Variants in HS3ST3A1 observed in about 807,000 individuals in gnomAD.
HS3ST3A1 encodes heparan sulfate-glucosamine 3-sulfotransferase 3A1.
In HS3ST3A1, 19 loss-of-function variants were observed where a neutral mutation model predicts 25.7. The observed-to-expected ratio is 0.74, with a 90% CI of 0.52 to 1.08. The LOEUF (loss-of-function observed/expected upper bound fraction) is 1.08. Among genes scored for constraint, HS3ST3A1 ranks in the 50% least tolerant of loss-of-function variants. The pLI, the probability that HS3ST3A1 is intolerant of heterozygous loss-of-function variation, is 0.00. For synonymous variants in HS3ST3A1, 226 were observed against 278.6 expected (o/e 0.81, Z 1.88); for missense variants, 459 against 594.3 (o/e 0.77, Z 2.37).
intron 1 of HS3ST3A1, among the ~76,000 whole-genome samples, chr17:13,548,891 T>A (rs745570931): frequency 3.3e-5 from 5 of 152,092 alleles, no homozygotes; most frequent in Admixed American, 6.5e-5. Flanking sequence ...AACACACCAA[T>A]CAGCACTCTG....
chr17:13,528,315 C>T (rs1050684421), intron 1 of HS3ST3A1, among the ~76,000 whole-genome samples: 1 of 152,200 alleles, frequency 6.6e-6, no homozygotes, highest in African/African-American at 2.4e-5. Context: ...TCAGATCACC[C>T]TTCAGGAAAG....
chr17:13,540,484 A>C (rs1598419929), intron 1 of HS3ST3A1, among the ~76,000 whole-genome samples: 1 of 152,350 alleles, frequency 6.6e-6, no homozygotes, highest in East Asian at 1.9e-4. Context: ...TGATGGACTA[A>C]AAATGCATGC....
At chr17:13,503,032 G>C (rs1905533926) in intron 1 of HS3ST3A1, among the ~76,000 whole-genome samples, 1 of 151,970 alleles carries the variant, frequency 6.6e-6, no homozygotes, top group African/African-American at 2.4e-5. Flanking sequence ...TACAAAATTA[G>C]CTGGGCGTGT....
chr17:13,541,720 A>G (rs890637133), intron 1 of HS3ST3A1, among the ~76,000 whole-genome samples: 1 of 152,186 alleles, frequency 6.6e-6, no homozygotes, highest in Non-Finnish European at 1.5e-5. Context: ...GCCTTTGAAC[A>G]TCGTGACCAG....
intron 1 of HS3ST3A1, among the ~76,000 whole-genome samples, chr17:13,572,117 A>G (rs1270591029): frequency 1.3e-5 from 2 of 152,040 alleles, no homozygotes; most frequent in Non-Finnish European, 2.9e-5. Context: ...GGGTAACCAA[A>G]TGTTGCTGGA....
chr17:13,593,548 G>A (rs1175333870), intron 1 of HS3ST3A1, among the ~76,000 whole-genome samples: 2 of 152,200 alleles, frequency 1.3e-5, no homozygotes, highest in Admixed American at 6.5e-5. Flanking sequence ...ACAGGTGCGG[G>A]GCAGGGGAGG....
At position 13,525,962 on chromosome 17, in the gene HS3ST3A1, G is replaced by A. The variant is rs182086896; in HGVS notation, c.600-29144C>T. ...GACAGCACAGGAACTGGTATGCCAA[G>A]GCTGAGACCTGAGGCTGGCTGCACT... On this transcript the variant is annotated intron_variant, in intron 1 of 1. Transcript: ENST00000284110. Among the ~76,000 whole-genome samples the A allele has an allele frequency of 9.1e-4, 139 of 152,144 alleles. 1 individual carries two copies. The highest frequency in any genetic ancestry group is 3.3e-3 in the African/African-American group (137 of 41,514).
intron 1 of HS3ST3A1, among the ~76,000 whole-genome samples, chr17:13,527,826 G>A (rs546042639): frequency 1.3e-5 from 2 of 152,276 alleles, no homozygotes; most frequent in East Asian, 1.9e-4. Flanking sequence ...CTGTAATTGC[G>A]TGGGGACTTC....
chr17:13,580,748 G>T (rs60554945), intron 1 of HS3ST3A1, among the ~76,000 whole-genome samples: 2 of 151,952 alleles, frequency 1.3e-5, no homozygotes, highest in African/African-American at 4.8e-5. Context: ...AAAATTAGCC[G>T]GACGTGGTGA....
chr17:13,585,677 G>T (rs1260962942), intron 1 of HS3ST3A1, among the ~76,000 whole-genome samples: 1 of 151,724 alleles, frequency 6.6e-6, no homozygotes, highest in African/African-American at 2.4e-5. Flanking sequence ...CTCTACATAC[G>T]TTCACATCTT....
chr17:13,534,584 C>T (rs1391954010), intron 1 of HS3ST3A1, among the ~76,000 whole-genome samples: 2 of 126,206 alleles, frequency 1.6e-5, no homozygotes, highest in South Asian at 2.5e-4. Context: ...AAAAGTTAGC[C>T]GGGCATGGTG....
rs145610644 is a variant in HS3ST3A1, at chr17:13,501,872, T to C, written c.600-5054A>G. Among the ~76,000 whole-genome samples the C allele has an allele frequency of 3.5e-3, 535 of 152,318 alleles. 4 individuals are homozygous for C. The highest frequency in any genetic ancestry group is 0.012 in the African/African-American group (508 of 41,586). On this transcript the variant is annotated intron_variant, in intron 1 of 1. Coordinates refer to ENST00000284110, the MANE Select transcript of HS3ST3A1 (RefSeq NM_006042.3). Reference sequence around the variant, plus strand: ...TGTTCCTGACACACCTGACCATTTGTCATTCAGACAGTGAGGATGCCTGGT... The same window carrying C: ...TGTTCCTGACACACCTGACCATTTGCCATTCAGACAGTGAGGATGCCTGGT...
intron 1 of HS3ST3A1, among the ~76,000 whole-genome samples, chr17:13,504,365 C>A (rs147161296): frequency 3.2e-4 from 49 of 152,078 alleles, no homozygotes; most frequent in African/African-American, 1.1e-3. Flanking sequence ...TGCTAACAAA[C>A]ACAGCCAGTC....
At chr17:13,566,897 G>A (rs769759016) in intron 1 of HS3ST3A1, among the ~76,000 whole-genome samples, 1 of 152,232 alleles carries the variant, frequency 6.6e-6, no homozygotes, top group African/African-American at 2.4e-5. Context: ...AGCAGGTACT[G>A]ACACAGAAGT....
chr17:13,500,295 T>C (rs1449465486), intron 1 of HS3ST3A1, among the ~76,000 whole-genome samples: 2 of 152,216 alleles, frequency 1.3e-5, no homozygotes, highest in Non-Finnish European at 2.9e-5. Context: ...TTTGCAATTA[T>C]TGGCAAAACC....
At chr17:13,507,308 C>T (rs1272918022) in intron 1 of HS3ST3A1, among the ~76,000 whole-genome samples, 1 of 152,088 alleles carries the variant, frequency 6.6e-6, no homozygotes, top group East Asian at 1.9e-4. Flanking sequence ...AGAATTATTC[C>T]CTTCATTTCA....
At chr17:13,582,165 A>G (rs1158228539) in intron 1 of HS3ST3A1, among the ~76,000 whole-genome samples, 1 of 152,156 alleles carries the variant, frequency 6.6e-6, no homozygotes, top group Non-Finnish European at 1.5e-5. Flanking sequence ...TTGGCAAAGT[A>G]TAGTACATCA....
intron 1 of HS3ST3A1, among the ~76,000 whole-genome samples, chr17:13,531,930 C>G (rs12452014): frequency 0.28 from 42,364 of 152,036 alleles, 6,163 homozygotes; most frequent in Non-Finnish European, 0.32. Context: ...TACTAATTGT[C>G]TGAGTTAACT....
intron 1 of HS3ST3A1, among the ~76,000 whole-genome samples, chr17:13,549,266 C>G (rs140829467): frequency 1.3e-5 from 2 of 152,280 alleles, no homozygotes; most frequent in African/African-American, 4.8e-5. Context: ...GACCACCAAC[C>G]CACTGGAAAG....
Sources: gnomAD v4.1 joint callset for allele counts (sites outside exome capture counted in the v4.1 genomes callset) on GRCh38, gnomAD v4.1.1 for gene constraint, MANE v1.5 for transcripts, NCBI Gene and HGNC (gene_info 2026-07-23, HGNC 2026-07-21) for gene names.